The following ZBTB7C variants were observed in gnomAD, a reference collection of about 807,000 sequenced individuals.
ZBTB7C encodes the protein zinc finger and BTB domain containing 7C.
Under a neutral mutation model 25.7 loss-of-function variants are expected in ZBTB7C, and 8 were observed. That is an observed-to-expected ratio of 0.31 (90% CI 0.18 to 0.56). The LOEUF (loss-of-function observed/expected upper bound fraction) is 0.56, where lower values mean the gene tolerates loss of function less well. Ranked by LOEUF, ZBTB7C falls within the 20% of genes least tolerant of loss-of-function variation. The pLI is 0.91. For synonymous variants in ZBTB7C, 394 were observed against 369.0 expected, an observed-to-expected ratio of 1.07 and a Z score of -0.78; for missense variants, 824 against 855.2, an observed-to-expected ratio of 0.96 and a Z score of 0.46.
chr18:48,213,730 C>A (rs1237984013), intron 2 of ZBTB7C, among the ~76,000 whole-genome samples: 1 of 152,094 alleles, frequency 6.6e-6, no homozygotes, highest in Non-Finnish European at 1.5e-5. Context: ...CTGTTCTGAC[C>A]CCAATGCAGA....
At chr18:48,303,700 C>T (rs982623748) in intron 2 of ZBTB7C, among the ~76,000 whole-genome samples, 1 of 152,188 alleles carries the variant, frequency 6.6e-6, no homozygotes, top group Non-Finnish European at 1.5e-5. Context: ...CTCCACAACT[C>T]AGATGGCACT....
At chr18:48,105,030 T>C (rs538906545) in intron 3 of ZBTB7C, among the ~76,000 whole-genome samples, 1 of 152,340 alleles carries the variant, frequency 6.6e-6, no homozygotes, top group Admixed American at 6.5e-5. Flanking sequence ...CCTCTGTGGT[T>C]CTGCAGGGGA....
chr18:48,397,846 C>T (rs2048065000), intron 1 of ZBTB7C, among the ~76,000 whole-genome samples: 1 of 152,212 alleles, frequency 6.6e-6, no homozygotes, highest in African/African-American at 2.4e-5. Context: ...TTGGGCTTCT[C>T]CTGATCCCCT....
At chr18:48,229,655 T>C (rs1423506745) in intron 2 of ZBTB7C, among the ~76,000 whole-genome samples, 1 of 152,244 alleles carries the variant, frequency 6.6e-6, no homozygotes, top group African/African-American at 2.4e-5. Context: ...GTTCCCAGAA[T>C]ATTTTCACTT....
At chr18:48,042,119 G>A (rs1247990704) in intron 3 of ZBTB7C, among the ~76,000 whole-genome samples, 2 of 152,220 alleles carry the variant, frequency 1.3e-5, no homozygotes, top group Admixed American at 1.3e-4. Flanking sequence ...GCATCTGCCA[G>A]GGCAGGTAGG....
intron 2 of ZBTB7C, among the ~76,000 whole-genome samples, chr18:48,285,317 T>C (rs1017643093): frequency 1.3e-5 from 2 of 152,248 alleles, no homozygotes; most frequent in Admixed American, 6.5e-5. Context: ...TGAGGCTATG[T>C]TGTTAGGCAC....
intron 2 of ZBTB7C, among the ~76,000 whole-genome samples, chr18:48,278,586 T>G (rs1259276892): frequency 6.6e-6 from 1 of 151,998 alleles, no homozygotes; most frequent in African/African-American, 2.4e-5. Context: ...CCCACCACCA[T>G]GCCCAGCTAA....
chr18:48,173,793 C>G (rs2145046099), intron 3 of ZBTB7C, among the ~76,000 whole-genome samples: 1 of 152,354 alleles, frequency 6.6e-6, no homozygotes, highest in Admixed American at 6.5e-5. Context: ...CCTCCAAAGT[C>G]CACAGCCCTT....
chr18:48,264,302 G>T (rs1042624287), intron 2 of ZBTB7C, among the ~76,000 whole-genome samples: 16 of 152,320 alleles, frequency 1.1e-4, no homozygotes, highest in African/African-American at 3.8e-4. Flanking sequence ...AATGACCACA[G>T]AATGAAATCA....
At chr18:48,101,213 T>G (rs983973888) in intron 3 of ZBTB7C, among the ~76,000 whole-genome samples, 4 of 152,218 alleles carry the variant, frequency 2.6e-5, no homozygotes, top group Non-Finnish European at 4.4e-5. Flanking sequence ...TGTCACCTGA[T>G]TCTACCCTTG....
chr18:48,368,385 A>C (rs1171312053), intron 1 of ZBTB7C, among the ~76,000 whole-genome samples: 1 of 151,662 alleles, frequency 6.6e-6, no homozygotes, highest in Non-Finnish European at 1.5e-5. Context: ...TGATAGATAG[A>C]AAAAAAAAGT....
chr18:48,119,208 T>C (rs2039544083), intron 3 of ZBTB7C, among the ~76,000 whole-genome samples: 1 of 152,246 alleles, frequency 6.6e-6, no homozygotes, highest in African/African-American at 2.4e-5. Flanking sequence ...ACCATGACTC[T>C]ACACTAAAGG....
At position 48,040,307 on chromosome 18, in the gene ZBTB7C, A is replaced by G. The variant is rs780658030; in HGVS notation, c.801T>C (p.Phe267=). 1 of 1,580,940 alleles carries G rather than the reference A, an allele frequency of 6.3e-7. No homozygotes were observed. Among genetic ancestry groups the G allele is most frequent in the East Asian group, 2.2e-5 (1 of 44,744 alleles). The part of the protein sequence containing the change: ...PHLWPGDFGA[F]AQLPEQPMDS... ...CCATGGGCTGCTCAGGCAGCTGGGC[A>G]AAGGCACCGAAGTCCCCTGGCCAGA... The change falls in exon 4 of 5, where the codon TTT becomes TTC. Residue 267 remains phenylalanine (F), a synonymous_variant. Coordinates refer to ENST00000590800, the MANE Select transcript of ZBTB7C (RefSeq NM_001318841.2).
chr18:48,384,343 C>T (rs2047698918), intron 1 of ZBTB7C, among the ~76,000 whole-genome samples: 1 of 152,228 alleles, frequency 6.6e-6, no homozygotes, highest in Non-Finnish European at 1.5e-5. Context: ...CAGACTGCTC[C>T]CTGGAGCTCC....
chr18:48,264,799 C>T (rs974518274), intron 2 of ZBTB7C, among the ~76,000 whole-genome samples: 8 of 152,140 alleles, frequency 5.3e-5, no homozygotes, highest in Admixed American at 4.6e-4. Flanking sequence ...AAAAGGGCAG[C>T]CTGTAGAATT....
chr18:48,077,887 C>T (rs2037833913), intron 3 of ZBTB7C, among the ~76,000 whole-genome samples: 2 of 151,860 alleles, frequency 1.3e-5, no homozygotes, highest in South Asian at 4.2e-4. Flanking sequence ...CCCTTAGCCT[C>T]CCCAGCTCAC....
intron 2 of ZBTB7C, among the ~76,000 whole-genome samples, chr18:48,284,810 AAC>A (rs1484559727): frequency 4.3e-5 from 4 of 92,496 alleles, no homozygotes; most frequent in African/African-American, 1.8e-4. Context: ...AAAAAAAAAA[AAC>A]AGAGAGAGAG....
intron 2 of ZBTB7C, among the ~76,000 whole-genome samples, chr18:48,251,801 C>G (rs1468741439): frequency 6.6e-6 from 1 of 152,218 alleles, no homozygotes; most frequent in East Asian, 1.9e-4. Flanking sequence ...ACCACCTCCT[C>G]AAGCTCACCT....
intron 2 of ZBTB7C, among the ~76,000 whole-genome samples, chr18:48,223,122 G>A (rs11877525): frequency 0.13 from 19,257 of 152,190 alleles, 1,579 homozygotes; most frequent in Non-Finnish European, 0.18. Context: ...GTTTCTCAGC[G>A]TCCTTAGGGA....
Sources: gnomAD v4.1 joint callset for allele counts (sites outside exome capture counted in the v4.1 genomes callset) on GRCh38, gnomAD v4.1.1 for gene constraint, MANE v1.5 for transcripts, NCBI Gene and HGNC (gene_info 2026-07-23, HGNC 2026-07-21) for gene names.